COL25A1: variants seen among roughly 807,000 people sequenced by gnomAD.
COL25A1 encodes collagen alpha-1(XXV) chain.
In COL25A1, 103 loss-of-function variants were observed where a neutral mutation model predicts 128.4. That is an observed-to-expected ratio of 0.80 (90% CI 0.68 to 0.94). The LOEUF is 0.94. Ranked by LOEUF, COL25A1 falls within the 40% of genes least tolerant of loss-of-function variation. The pLI is 0.00. For missense variants in COL25A1, 745 were observed against 840.0 expected, an observed-to-expected ratio of 0.89 and a Z score of 1.40; for synonymous variants, 279 against 277.2, an observed-to-expected ratio of 1.01 and a Z score of -0.06.
At chr4:108,951,390 CTT>C (rs753653517) in intron 8 of COL25A1, among the ~76,000 whole-genome samples, 14 of 139,174 alleles carry the variant, frequency 1.0e-4, no homozygotes, top group Non-Finnish European at 1.1e-4. Context: ...CTTTTTTTTT[CTT>C]TTTTTTTTTT....
intron 19 of COL25A1, among the ~76,000 whole-genome samples, chr4:108,880,534 AAG>A (rs1739993753): frequency 6.6e-6 from 1 of 152,230 alleles, no homozygotes; most frequent in Non-Finnish European, 1.5e-5. Context: ...CCCCAAAAGA[AAG>A]AGATAACAAT....
At chr4:109,019,045 G>A (rs1560548924) in intron 5 of COL25A1, among the ~76,000 whole-genome samples, 1 of 152,124 alleles carries the variant, frequency 6.6e-6, no homozygotes. Flanking sequence ...GTCTGTGTGG[G>A]TGTTGCCAAA....
At chr4:109,063,314 C>T (rs1478771128) in intron 3 of COL25A1, among the ~76,000 whole-genome samples, 1 of 151,948 alleles carries the variant, frequency 6.6e-6, no homozygotes, top group Non-Finnish European at 1.5e-5. Flanking sequence ...ACCAGCCTGA[C>T]CAACATGATA....
At chr4:109,159,788 G>A (rs776839875) in intron 3 of COL25A1, among the ~76,000 whole-genome samples, 12 of 152,126 alleles carry the variant, frequency 7.9e-5, no homozygotes, top group Non-Finnish European at 1.3e-4. Context: ...ACATTTTGGA[G>A]GCAGAAGAGT....
At chr4:108,938,261 T>A (rs981368805) in intron 10 of COL25A1, among the ~76,000 whole-genome samples, 17 of 152,198 alleles carry the variant, frequency 1.1e-4, no homozygotes, top group African/African-American at 4.1e-4. Flanking sequence ...TTACACTATA[T>A]CATGACATTA....
At chr4:109,110,729 T>G (rs1176417105) in intron 3 of COL25A1, among the ~76,000 whole-genome samples, 1 of 152,178 alleles carries the variant, frequency 6.6e-6, no homozygotes, top group Admixed American at 6.6e-5. Flanking sequence ...TATGGTGCAA[T>G]TGTCTACCCA....
At chr4:109,150,479 T>G (rs1244657170) in intron 3 of COL25A1, among the ~76,000 whole-genome samples, 1 of 152,114 alleles carries the variant, frequency 6.6e-6, no homozygotes, top group African/African-American at 2.4e-5. Flanking sequence ...AACTTTTATT[T>G]TAGTCTGGAG....
intron 3 of COL25A1, among the ~76,000 whole-genome samples, chr4:109,181,332 T>C (rs773434846): frequency 1.3e-5 from 2 of 152,122 alleles, no homozygotes; most frequent in African/African-American, 2.4e-5. Context: ...GTTCCATCCA[T>C]AGAACTCACT....
intron 3 of COL25A1, among the ~76,000 whole-genome samples, chr4:109,123,463 A>G (rs1171968759): frequency 1.3e-5 from 2 of 152,088 alleles, no homozygotes; most frequent in Non-Finnish European, 2.9e-5. Context: ...CCATATTAAT[A>G]ATGTGAGCTA....
chr4:109,071,446 T>G (rs1302180114), intron 3 of COL25A1, among the ~76,000 whole-genome samples: 1 of 151,942 alleles, frequency 6.6e-6, no homozygotes, highest in Non-Finnish European at 1.5e-5. Flanking sequence ...AATTGACAAA[T>G]GGGATCTAAC....
intron 3 of COL25A1, among the ~76,000 whole-genome samples, chr4:109,216,937 G>C (rs1368884849): frequency 6.6e-6 from 1 of 152,050 alleles, no homozygotes; most frequent in African/African-American, 2.4e-5. Context: ...AACCAAAGCT[G>C]GTTGTAGAAC....
At chr4:109,231,891 G>A (rs1418330915) in intron 3 of COL25A1, among the ~76,000 whole-genome samples, 1 of 152,072 alleles carries the variant, frequency 6.6e-6, no homozygotes, top group Non-Finnish European at 1.5e-5. Flanking sequence ...ACACAAAATG[G>A]TAGTGTTTTG....
intron 3 of COL25A1, among the ~76,000 whole-genome samples, chr4:109,288,299 T>A (rs1724087410): frequency 6.6e-6 from 1 of 152,172 alleles, no homozygotes; most frequent in African/African-American, 2.4e-5. Context: ...GAGCTCAAAA[T>A]TTTAAATACA....
At position 108,920,620 on chromosome 4, in the gene COL25A1, G is replaced by T. The variant is rs751445297; in HGVS notation, c.709-16C>A. On this transcript the variant is annotated splice_polypyrimidine_tract_variant and intron_variant, in intron 11 of 37. Transcript: ENST00000399132. The stretch of plus-strand genomic sequence containing the variant: ...CTAGAGGACCCTAAAAAAGAAAAAC[G>T]ATTCAATTAACATACTATTGTAGCC... 1.3e-6 allele frequency: 2 copies of T among 1,594,628 alleles called. No homozygotes were observed. Among genetic ancestry groups the T allele is most frequent in the African/African-American group, 1.3e-5 (1 of 74,256 alleles).
At chr4:108,825,312 T>G in intron 33 of COL25A1, 90 bp from the exon 34 acceptor site, 1 of 947,000 alleles carries the variant, frequency 1.1e-6, no homozygotes, top group Non-Finnish European at 1.7e-6. Flanking sequence ...CATGCAACAC[T>G]AGTACTAGAA....
intron 31 of COL25A1, among the ~76,000 whole-genome samples, chr4:108,841,259 G>A (rs1279273626): frequency 6.6e-6 from 1 of 152,100 alleles, no homozygotes; most frequent in Non-Finnish European, 1.5e-5. Context: ...CTCTGGGCGA[G>A]TACAAAATTA....
intron 3 of COL25A1, among the ~76,000 whole-genome samples, chr4:109,217,139 T>C (rs1321896723): frequency 3.9e-5 from 6 of 152,048 alleles, no homozygotes; most frequent in Non-Finnish European, 7.4e-5. Context: ...AATAGACAAA[T>C]CTGACACTAA....
At chr4:109,233,810 C>T (rs1276888845) in intron 3 of COL25A1, among the ~76,000 whole-genome samples, 2 of 152,098 alleles carry the variant, frequency 1.3e-5, no homozygotes, top group Non-Finnish European at 2.9e-5. Context: ...GGCCAAAGTA[C>T]ATAATGTACC....
chr4:109,045,985 C>T (rs1237795930), intron 5 of COL25A1, among the ~76,000 whole-genome samples: 2 of 152,104 alleles, frequency 1.3e-5, no homozygotes, highest in African/African-American at 2.4e-5. Flanking sequence ...GCCTGACAAA[C>T]CCATGTAACA....
Sources: allele counts gnomAD v4.1 joint callset (sites outside exome capture counted in the v4.1 genomes callset), GRCh38; gene constraint gnomAD v4.1.1; transcripts MANE v1.5; gene names NCBI Gene and HGNC (gene_info 2026-07-23, HGNC 2026-07-21).